SLC12A8: variants seen among roughly 807,000 people sequenced by gnomAD.
SLC12A8 encodes the protein cation-chloride cotransporter 9.
SLC12A8 carries 69 observed loss-of-function variants against 75.6 expected under a neutral mutation model. The ratio of observed to expected loss-of-function variants is 0.91; its 90% CI spans 0.75 to 1.11. SLC12A8 has a LOEUF of 1.11. Among genes scored for constraint, SLC12A8 ranks in the 50% most tolerant of loss-of-function variants. The pLI is 0.00. For missense variants in SLC12A8, 877 were observed against 896.7 expected (o/e 0.98, Z 0.28); for synonymous variants, 365 against 372.8 (o/e 0.98, Z 0.24).
chr3:125,091,602 C>T lies in SLC12A8; in HGVS notation c.1804-46G>A, dbSNP rs771410048. On this transcript the variant is annotated intron_variant, in intron 11 of 13. Transcript: ENST00000469902. ...GAGCAAATCACCTAATGGCTTTCTA[C>T]ATGGTAAGCAAGCCACAAGGCTAAT... 3.8e-6 allele frequency: 5 copies of T among 1,299,834 alleles called. No homozygotes were observed. The African/African-American group carries it at 5.8e-5, about 15-fold the overall frequency. 80.5% of individuals were successfully genotyped at this position (1,299,834 alleles called of 1,614,324 possible). A position where few individuals can be genotyped will look rare whatever the true frequency, so the allele number is the denominator to read the frequency against.
At chr3:125,140,542 T>C (rs776457752) in intron 5 of SLC12A8, among the ~76,000 whole-genome samples, 5 of 152,066 alleles carry the variant, frequency 3.3e-5, no homozygotes, top group Admixed American at 6.5e-5. Context: ...TCCTATCCTG[T>C]GGAACACCAT....
chr3:125,144,261 C>T (rs1263714730), intron 5 of SLC12A8, among the ~76,000 whole-genome samples: 2 of 152,220 alleles, frequency 1.3e-5, no homozygotes, highest in African/African-American at 4.8e-5. Flanking sequence ...TCATTGAAGC[C>T]TCACAACTAC....
chr3:125,107,469 C>T lies in SLC12A8; in HGVS notation c.1705+12G>A, dbSNP rs749408131. 3 of 1,595,234 alleles carry T rather than the reference C, an allele frequency of 1.9e-6. No individual in the cohort carries two copies. The highest frequency in any genetic ancestry group is 1.7e-6 in the Non-Finnish European group (2 of 1,166,572). ...CAAATAAGAGGCCCCAGTGTGATACCAGAGCACTCACCTTCTCCACTGGAC... is the reference window on the plus strand; with the variant it reads ...CAAATAAGAGGCCCCAGTGTGATACTAGAGCACTCACCTTCTCCACTGGAC... On this transcript the variant is annotated intron_variant, in intron 10 of 13. Transcript: ENST00000469902.
chr3:125,150,465 T>C (rs1464379629), intron 5 of SLC12A8, among the ~76,000 whole-genome samples: 1 of 152,240 alleles, frequency 6.6e-6, no homozygotes, highest in Non-Finnish European at 1.5e-5. Flanking sequence ...ATATACGTAG[T>C]AGTTTCCAAA....
chr3:125,107,818 C>T lies in SLC12A8; in HGVS notation c.1368G>A (p.Leu456=). ...PAQRVLEGTL[L]EFTKDMDQLL... ...GCTGATCCATGTCCTTGGTGAATTC[C>T]AGTAGCGTGCCCTCCAAGACTCTTT... Residue 456 remains leucine (L), a synonymous_variant, in exon 10 of 14, where the codon CTG becomes CTA. Transcript: ENST00000469902. 1.9e-6 allele frequency: 3 copies of T among 1,614,144 alleles called. No individual in the cohort carries two copies. The highest frequency in any genetic ancestry group is 2.2e-5 in the South Asian group (2 of 91,072).
chr3:125,183,651 T>C (rs924781391), intron 4 of SLC12A8, among the ~76,000 whole-genome samples: 1 of 152,108 alleles, frequency 6.6e-6, no homozygotes, highest in African/African-American at 2.4e-5. Context: ...ATAAAAACTT[T>C]CCAGTCATTC....
intron 7 of SLC12A8, among the ~76,000 whole-genome samples, chr3:125,120,214 T>A (rs1933016355): frequency 6.6e-6 from 1 of 151,660 alleles, no homozygotes; most frequent in Non-Finnish European, 1.5e-5. Flanking sequence ...GCAGCCCCAA[T>A]TCGTCTGATT....
intron 10 of SLC12A8, among the ~76,000 whole-genome samples, chr3:125,100,767 A>G (rs1938852299): frequency 6.8e-6 from 1 of 147,716 alleles, no homozygotes; most frequent in Admixed American, 6.7e-5. Context: ...TAATCCCAGC[A>G]CTTTGGGAGG....
chr3:125,103,461 A>T (rs1938938019), intron 10 of SLC12A8, among the ~76,000 whole-genome samples: 1 of 51,034 alleles, frequency 2.0e-5, no homozygotes. Flanking sequence ...ACTTCACTTA[A>T]AAAAAAAAAA....
At chr3:125,124,925 T>C (rs945502727) in intron 6 of SLC12A8, among the ~76,000 whole-genome samples, 2 of 152,208 alleles carry the variant, frequency 1.3e-5, no homozygotes, top group Non-Finnish European at 2.9e-5. Context: ...TCCCAGAGCA[T>C]TAGTGCCCAG....
chr3:125,161,132 G>A (rs1934159101), intron 5 of SLC12A8, among the ~76,000 whole-genome samples: 2 of 152,146 alleles, frequency 1.3e-5, no homozygotes, highest in Non-Finnish European at 1.5e-5. Context: ...GTCTCGGCAG[G>A]GCTCATAACA....
chr3:125,121,452 C>T (rs773029652), intron 6 of SLC12A8, among the ~76,000 whole-genome samples: 8 of 152,118 alleles, frequency 5.3e-5, no homozygotes, highest in Non-Finnish European at 1.0e-4. Flanking sequence ...AGGAAAGACC[C>T]GTGGAGGGGG....
chr3:125,211,831 A>C (rs1350016817), intron 1 of SLC12A8, among the ~76,000 whole-genome samples: 1 of 152,152 alleles, frequency 6.6e-6, no homozygotes, highest in Non-Finnish European at 1.5e-5. Context: ...CGCCCTGAGC[A>C]GAGGGGAGAG....
At chr3:125,183,382 C>A (rs1203885883) in intron 4 of SLC12A8, among the ~76,000 whole-genome samples, 1 of 152,086 alleles carries the variant, frequency 6.6e-6, no homozygotes, top group Non-Finnish European at 1.5e-5. Flanking sequence ...GGGTGTTGCT[C>A]ACCATTTTAA....
chr3:125,182,555 ATAGTGCAGC>A (rs1216264762), intron 4 of SLC12A8, among the ~76,000 whole-genome samples: 1 of 146,054 alleles, frequency 6.8e-6, no homozygotes, highest in Non-Finnish European at 1.5e-5. Context: ...CGCCTAGGCT[ATAGTGCAGC>A]GGCGTGATCT....
chr3:125,110,248 T>C lies in SLC12A8; in HGVS notation c.1000A>G (p.Ile334Val). The stretch of plus-strand genomic sequence containing the variant: ...TTCTCCTGGGCAATGCACTGCAGGA[T>C]GCGGGGAGCTCCATAAAGTCCTCCC... ...CMGGLYGAPRILQCIAQEKVI... is the reference protein window; with the variant it reads ...CMGGLYGAPRVLQCIAQEKVI... The change falls in exon 9 of 14, where the codon ATC becomes GTC. Residue 334 changes from isoleucine to valine, a missense_variant. Coordinates refer to ENST00000469902, the MANE Select transcript of SLC12A8 (RefSeq NM_024628.6). 1.2e-6 allele frequency: 2 copies of C among 1,614,024 alleles called. No homozygotes were observed. The highest frequency in any genetic ancestry group is 1.7e-4 in the Middle Eastern group (1 of 6,060).
chr3:125,207,950 C>T (rs1935256710), intron 2 of SLC12A8, among the ~76,000 whole-genome samples: 1 of 152,220 alleles, frequency 6.6e-6, no homozygotes, highest in Admixed American at 6.5e-5. Context: ...ATGGCATCTC[C>T]TTTAATCTCA....
At chr3:125,131,294 C>T (rs1403344921) in intron 6 of SLC12A8, among the ~76,000 whole-genome samples, 1 of 152,156 alleles carries the variant, frequency 6.6e-6, no homozygotes, top group Non-Finnish European at 1.5e-5. Flanking sequence ...ACAGCAGAAT[C>T]GCTGGGGAAA....
intron 5 of SLC12A8, among the ~76,000 whole-genome samples, chr3:125,171,939 AG>A (rs201405398): frequency 4.1e-4 from 1 of 2,440 alleles, no homozygotes; most frequent in East Asian, 5.1e-3. Flanking sequence ...AAAAAAAAAA[AG>A]AAAATTAAAA....
Sources: allele counts gnomAD v4.1 joint callset (sites outside exome capture counted in the v4.1 genomes callset), GRCh38; gene constraint gnomAD v4.1.1; transcripts MANE v1.5; gene names NCBI Gene and HGNC (gene_info 2026-07-23, HGNC 2026-07-21).